NBEA: variants seen among roughly 807,000 people sequenced by gnomAD.
NBEA encodes lysosomal-trafficking regulator 2.
NBEA carries 44 observed loss-of-function variants against 343.4 expected under a neutral mutation model. That is an observed-to-expected ratio of 0.13 (90% CI 0.10 to 0.16). The LOEUF is 0.16. NBEA is among the 10% of genes least tolerant of loss of function. The pLI is 1.00. For missense variants in NBEA, 2,555 were observed against 3,631.3 expected (o/e 0.70, Z 7.62); for synonymous variants, 1,175 against 1,238.7 (o/e 0.95, Z 1.08).
chr13:35,106,914 G>T (rs540646572), intron 11 of NBEA, among the ~76,000 whole-genome samples: 1 of 151,672 alleles, frequency 6.6e-6, no homozygotes, highest in Non-Finnish European at 1.5e-5. Flanking sequence ...TATAATATGG[G>T]TTAATGTTCT....
chr13:35,645,914 AC>A lies in NBEA; in HGVS notation c.7664del (p.Thr2555LysfsTer54). On this transcript the variant is annotated frameshift_variant, in exon 50 of 59. Coordinates refer to ENST00000379939, the MANE Select transcript of NBEA (RefSeq NM_001385012.1). LOFTEE classifies it high-confidence loss of function. ...FIRDPHTFLL[T>X]KDFIKAMEAQ... ...TAGAGACCCCCACACTTTCCTTCTT[AC>A]AAAGGACTTTATTAAGGTATATGTT... The A allele has an allele frequency of 6.4e-7, 1 of 1,571,834 alleles. No individual in the cohort carries two copies. The highest frequency in any genetic ancestry group is 1.2e-5 in the South Asian group (1 of 86,114).
intron 39 of NBEA, among the ~76,000 whole-genome samples, chr13:35,435,311 C>G (rs1327247633): frequency 6.6e-6 from 1 of 152,116 alleles, no homozygotes; most frequent in African/African-American, 2.4e-5. Context: ...CTGCGCTCGG[C>G]CTTACAGCAC....
At position 35,069,150 on chromosome 13, in the gene NBEA, C is replaced by G. The variant is rs113967987; in HGVS notation, c.1240-758C>G. 1.3e-3 allele frequency among the ~76,000 whole-genome samples: 195 copies of G among 152,134 alleles called. 1 individual carries two copies. The highest frequency in any genetic ancestry group is 4.4e-3 in the African/African-American group (181 of 41,530). On this transcript the variant is annotated intron_variant, in intron 8 of 58. Transcript: ENST00000379939. ...CAGAAGACTTAGAATTACGTGCTGG[C>G]CCCTTCTACATCTTAATTTCTGTAA...
At chr13:35,408,387 A>G (rs1566088169) in intron 38 of NBEA, among the ~76,000 whole-genome samples, 1 of 152,238 alleles carries the variant, frequency 6.6e-6, no homozygotes, top group African/African-American at 2.4e-5. Context: ...CTTAAATGTA[A>G]AACCCAAAAC....
chr13:35,432,497 T>A, intron 39 of NBEA, 104 bp downstream of exon 39: 18 of 1,040,740 alleles, frequency 1.7e-5, no homozygotes, highest in Non-Finnish European at 2.2e-5. Context: ...ATGTTCTCCA[T>A]GTCTTGAGTC....
intron 4 of NBEA, among the ~76,000 whole-genome samples, chr13:35,046,220 TTATAAA>T (rs2062848932): frequency 6.6e-6 from 1 of 152,202 alleles, no homozygotes; most frequent in African/African-American, 2.4e-5. Context: ...TTTTTGGCTG[TTATAAA>T]TAAAATTGCT....
intron 36 of NBEA, among the ~76,000 whole-genome samples, chr13:35,320,888 T>C (rs1426973261): frequency 3.3e-5 from 5 of 152,040 alleles, no homozygotes; most frequent in Admixed American, 6.6e-5. Flanking sequence ...TATTCGGCTA[T>C]TGATACTTGT....
At chr13:35,344,192 A>C (rs1049302343) in intron 36 of NBEA, among the ~76,000 whole-genome samples, 2 of 152,144 alleles carry the variant, frequency 1.3e-5, no homozygotes, top group Non-Finnish European at 2.9e-5. Flanking sequence ...TCAAAGAAAC[A>C]TAAAAAGTAT....
At chr13:35,013,312 G>T (rs891549013) in intron 1 of NBEA, among the ~76,000 whole-genome samples, 2 of 151,816 alleles carry the variant, frequency 1.3e-5, no homozygotes, top group Non-Finnish European at 2.9e-5. Context: ...TTTTCCCTCT[G>T]ATTGTAAAAT....
intron 11 of NBEA, 73 bp downstream of exon 11, chr13:35,098,478 T>C: frequency 9.2e-7 from 1 of 1,091,152 alleles, no homozygotes; most frequent in Non-Finnish European, 1.4e-6. Context: ...AATTTTTTTT[T>C]CTGTAATTTC....
intron 1 of NBEA, among the ~76,000 whole-genome samples, chr13:34,981,210 C>T (rs1254254511): frequency 6.6e-6 from 1 of 152,150 alleles, no homozygotes; most frequent in African/African-American, 2.4e-5. Flanking sequence ...CTTAGTATAA[C>T]ATTTTTGAGG....
chr13:35,393,932 G>C (rs1488081335), intron 38 of NBEA, among the ~76,000 whole-genome samples: 1 of 151,976 alleles, frequency 6.6e-6, no homozygotes, highest in African/African-American at 2.4e-5. Context: ...GTGTTAAACA[G>C]TATAACTACT....
chr13:35,177,911 ATATT>A (rs1464496403), intron 28 of NBEA, among the ~76,000 whole-genome samples: 3 of 151,802 alleles, frequency 2.0e-5, no homozygotes, highest in Non-Finnish European at 3.0e-5. Context: ...TGATTAAAAT[ATATT>A]TAGGTTATAT....
intron 38 of NBEA, among the ~76,000 whole-genome samples, chr13:35,352,533 T>G (rs1594317943): frequency 6.6e-6 from 1 of 152,146 alleles, no homozygotes; most frequent in South Asian, 2.1e-4. Flanking sequence ...ACAGTGGAAG[T>G]TATTTCTACT....
At chr13:35,197,808 CT>C (rs1404134254) in intron 31 of NBEA, among the ~76,000 whole-genome samples, 1 of 152,156 alleles carries the variant, frequency 6.6e-6, no homozygotes, top group Non-Finnish European at 1.5e-5. Flanking sequence ...CCGAATTACC[CT>C]TTTAATACAC....
intron 31 of NBEA, 43 bp downstream of exon 31, chr13:35,196,345 G>A (rs1291478434): frequency 1.3e-6 from 2 of 1,499,860 alleles, no homozygotes; most frequent in Non-Finnish European, 1.8e-6. Context: ...ATACATAAAA[G>A]GAAAATTAGA....
At chr13:35,571,776 A>G (rs1403502638) in intron 45 of NBEA, among the ~76,000 whole-genome samples, 1 of 152,130 alleles carries the variant, frequency 6.6e-6, no homozygotes, top group East Asian at 1.9e-4. Context: ...ATTCTGTTTT[A>G]TCATCTATTT....
At chr13:35,095,857 C>G (rs79471327) in intron 10 of NBEA, among the ~76,000 whole-genome samples, 1 of 151,928 alleles carries the variant, frequency 6.6e-6, no homozygotes, top group South Asian at 2.1e-4. Context: ...TTGGCTGACA[C>G]AGATACTTGC....
chr13:35,630,277 T>C (rs2153066912), intron 49 of NBEA, among the ~76,000 whole-genome samples: 1 of 152,350 alleles, frequency 6.6e-6, no homozygotes, highest in Non-Finnish European at 1.5e-5. Flanking sequence ...TCAAAATACC[T>C]GTTTCTACAA....
Sources: gnomAD v4.1 joint callset for allele counts (sites outside exome capture counted in the v4.1 genomes callset) on GRCh38, gnomAD v4.1.1 for gene constraint, MANE v1.5 for transcripts, NCBI Gene and HGNC (gene_info 2026-07-23, HGNC 2026-07-21) for gene names.